SLC4A10: variants seen among roughly 807,000 people sequenced by gnomAD.
SLC4A10 encodes the protein solute carrier family 4 member 10.
Under a neutral mutation model 137.7 loss-of-function variants are expected in SLC4A10, and 42 were observed. That is an observed-to-expected ratio of 0.30 (90% CI 0.24 to 0.39). The LOEUF is 0.39. Ranked by LOEUF, SLC4A10 falls within the 10% of genes least tolerant of loss-of-function variation. The pLI, the probability that SLC4A10 is intolerant of heterozygous loss-of-function variation, is 1.00. For synonymous variants in SLC4A10, 474 were observed against 464.1 expected (o/e 1.02, Z -0.27); for missense variants, 925 against 1,355.0 (o/e 0.68, Z 4.98).
intron 2 of SLC4A10, among the ~76,000 whole-genome samples, chr2:161,787,582 T>C (rs1405999859): frequency 7.0e-6 from 1 of 142,598 alleles, no homozygotes; most frequent in East Asian, 1.9e-4. Flanking sequence ...ATTTACCCCC[T>C]ATACCATCTT....
At chr2:161,908,118 G>A (rs1008828530) in intron 15 of SLC4A10, among the ~76,000 whole-genome samples, 1 of 151,950 alleles carries the variant, frequency 6.6e-6, no homozygotes, top group Non-Finnish European at 1.5e-5. Flanking sequence ...TGAGAAAAAT[G>A]CAACCAATAG....
At chr2:161,773,043 C>A (rs755309012) in intron 2 of SLC4A10, among the ~76,000 whole-genome samples, 3 of 151,952 alleles carry the variant, frequency 2.0e-5, no homozygotes, top group Non-Finnish European at 4.4e-5. Flanking sequence ...GGTAATTCAT[C>A]TTCTGTTTGG....
chr2:161,853,517 G>C (rs2059938297), intron 4 of SLC4A10, among the ~76,000 whole-genome samples: 1 of 152,158 alleles, frequency 6.6e-6, no homozygotes. Flanking sequence ...GAGCCAGGTA[G>C]TGATGTTCTA....
chr2:161,916,983 C>T (rs898889335), intron 15 of SLC4A10, among the ~76,000 whole-genome samples: 2 of 152,076 alleles, frequency 1.3e-5, no homozygotes, highest in African/African-American at 4.8e-5. Flanking sequence ...TAAATACTAC[C>T]ATAATCAATG....
intron 2 of SLC4A10, among the ~76,000 whole-genome samples, chr2:161,783,015 A>G (rs1468607090): frequency 6.6e-6 from 1 of 151,984 alleles, no homozygotes; most frequent in Non-Finnish European, 1.5e-5. Flanking sequence ...AAACTTAGAG[A>G]TATCAACACT....
chr2:161,860,368 A>G (rs187274724), intron 5 of SLC4A10, among the ~76,000 whole-genome samples: 3 of 152,312 alleles, frequency 2.0e-5, no homozygotes, highest in East Asian at 1.9e-4. Context: ...AGAAATTAAA[A>G]ATCATAAACA....
intron 1 of SLC4A10, among the ~76,000 whole-genome samples, chr2:161,719,611 G>C (rs1447102272): frequency 6.6e-6 from 1 of 152,116 alleles, no homozygotes; most frequent in Non-Finnish European, 1.5e-5. Context: ...GTGTGAGATG[G>C]TATCTCATTG....
At chr2:161,796,761 C>T (rs563118221) in intron 2 of SLC4A10, among the ~76,000 whole-genome samples, 1 of 152,150 alleles carries the variant, frequency 6.6e-6, no homozygotes, top group South Asian at 2.1e-4. Context: ...ATAAACTTTC[C>T]TCATGGAAAT....
chr2:161,752,188 T>C (rs1300834057), intron 1 of SLC4A10, among the ~76,000 whole-genome samples: 1 of 152,026 alleles, frequency 6.6e-6, no homozygotes, highest in Non-Finnish European at 1.5e-5. Context: ...CTATCTCACT[T>C]GAGTAGGTTT....
intron 1 of SLC4A10, among the ~76,000 whole-genome samples, chr2:161,736,846 T>A (rs1323507081): frequency 1.3e-5 from 2 of 151,966 alleles, no homozygotes; most frequent in East Asian, 3.9e-4. Flanking sequence ...TAAATGGAAG[T>A]ATTATTATTA....
chr2:161,877,959 A>G (rs1344346921), intron 8 of SLC4A10, among the ~76,000 whole-genome samples: 1 of 152,100 alleles, frequency 6.6e-6, no homozygotes. Context: ...GGAAAGATTA[A>G]TTAGTTACAA....
chr2:161,938,604 C>G (rs77693517), intron 15 of SLC4A10, among the ~76,000 whole-genome samples: 2,284 of 150,150 alleles, frequency 0.015, 54 homozygotes, highest in African/African-American at 0.053. Context: ...GAAAATAATC[C>G]AAATATCTTG....
chr2:161,961,450 A>C (rs1453421065), intron 21 of SLC4A10, among the ~76,000 whole-genome samples: 1 of 152,202 alleles, frequency 6.6e-6, no homozygotes, highest in African/African-American at 2.4e-5. Context: ...GCTCATTTAA[A>C]ATTTCATGTA....
chr2:161,886,012 T>A (rs2062245741), intron 10 of SLC4A10, among the ~76,000 whole-genome samples: 2 of 151,970 alleles, frequency 1.3e-5, no homozygotes, highest in Non-Finnish European at 2.9e-5. Context: ...GGTGGGCGGA[T>A]CACTTGAGCC....
intron 1 of SLC4A10, among the ~76,000 whole-genome samples, chr2:161,691,927 T>C (rs1453261251): frequency 6.6e-6 from 1 of 152,088 alleles, no homozygotes; most frequent in Non-Finnish European, 1.5e-5. Context: ...AAATAAAATA[T>C]TATGCATTTA....
In SLC4A10 at chr2:161,804,482, C is replaced by T; in HGVS notation, c.164C>T (p.Pro55Leu). ...ACACTATTTATTGGAGTACATGTGC[C>T]CTTGGGAGGAAGAAAAAGCCATCGA... The part of the protein sequence containing the change: ...HRTLFIGVHV[P>L]LGGRKSHRRH... Residue 55 changes from proline (P) to leucine (L), a missense_variant, in exon 3 of 27, where the codon CCC becomes CTC. Transcript: ENST00000446997. The T allele has an allele frequency of 6.2e-7, 1 of 1,612,880 alleles. No homozygotes were observed. Among genetic ancestry groups the T allele is most frequent in the Non-Finnish European group, 8.5e-7 (1 of 1,179,268 alleles).
chr2:161,675,282 A>G (rs1016366132), intron 1 of SLC4A10, among the ~76,000 whole-genome samples: 1 of 152,152 alleles, frequency 6.6e-6, no homozygotes, highest in East Asian at 1.9e-4. Flanking sequence ...TATTCTCCAA[A>G]GATGCCACGG....
At chr2:161,800,328 G>A (rs1378796928) in intron 2 of SLC4A10, among the ~76,000 whole-genome samples, 1 of 151,840 alleles carries the variant, frequency 6.6e-6, no homozygotes, top group Non-Finnish European at 1.5e-5. Context: ...GCATTATTAG[G>A]TCTACTTTCT....
chr2:161,874,682 C>A (rs1415507131), intron 8 of SLC4A10, among the ~76,000 whole-genome samples: 1 of 152,124 alleles, frequency 6.6e-6, no homozygotes, highest in Non-Finnish European at 1.5e-5. Context: ...CATAGCATGG[C>A]ACACTGGAAA....
Sources: gnomAD v4.1 joint callset for allele counts (sites outside exome capture counted in the v4.1 genomes callset) on GRCh38, gnomAD v4.1.1 for gene constraint, MANE v1.5 for transcripts, NCBI Gene and HGNC (gene_info 2026-07-23, HGNC 2026-07-21) for gene names.